Variants in CSTPP1 observed in about 807,000 individuals in gnomAD.
CSTPP1 encodes the protein UPF0705 protein C11orf49.
the CSTPP1 span, chr11:47,159,730 G>C: frequency 6.6e-6 from 3 of 456,142 alleles, no homozygotes; most frequent in Non-Finnish European, 1.3e-5. Flanking sequence ...CACTGGCTGG[G>C]TGTGGTGGCT....
the CSTPP1 span, among the ~76,000 whole-genome samples, chr11:47,151,597 C>CCG: frequency 6.0e-5 from 9 of 150,106 alleles, no homozygotes; most frequent in Non-Finnish European, 1.2e-4. Flanking sequence ...CAGAGGGTGG[C>CCG]GGGGGGAAGT....
At chr11:47,028,241 G>A in the CSTPP1 span, among the ~76,000 whole-genome samples, 1 of 152,098 alleles carries the variant, frequency 6.6e-6, no homozygotes, top group Non-Finnish European at 1.5e-5. Context: ...ATTTTCTATA[G>A]CATTTACAAT....
At chr11:47,073,659 A>G in the CSTPP1 span, among the ~76,000 whole-genome samples, 1 of 152,230 alleles carries the variant, frequency 6.6e-6, no homozygotes, top group Non-Finnish European at 1.5e-5. Flanking sequence ...AAGTGATAAT[A>G]ATAATGCTTT....
the CSTPP1 span, among the ~76,000 whole-genome samples, chr11:46,977,913 A>T: frequency 6.6e-6 from 1 of 152,230 alleles, no homozygotes; most frequent in African/African-American, 2.4e-5. Context: ...AAAAGGCAAC[A>T]GAAAGAGTAG....
the CSTPP1 span, chr11:47,103,852 A>G: frequency 2.7e-5 from 4 of 150,888 alleles, no homozygotes; most frequent in Non-Finnish European, 4.4e-5. Flanking sequence ...TTTTTTTTTT[A>G]ATTAATGGGG....
the CSTPP1 span, among the ~76,000 whole-genome samples, chr11:47,119,903 G>T: frequency 6.6e-6 from 1 of 152,122 alleles, no homozygotes; most frequent in South Asian, 2.1e-4. Context: ...GAGCCACCAT[G>T]CCCGGCCTTA....
chr11:46,936,720 C>T, the CSTPP1 span: 1 of 1,572,722 alleles, frequency 6.4e-7, no homozygotes. Flanking sequence ...CCTTCCGCCG[C>T]GTGGGTGCCA....
the CSTPP1 span, among the ~76,000 whole-genome samples, chr11:46,946,435 G>A: frequency 6.6e-6 from 1 of 152,218 alleles, no homozygotes; most frequent in South Asian, 2.1e-4. Context: ...AAGGCGGGTG[G>A]ATCACGAGGT....
the CSTPP1 span, among the ~76,000 whole-genome samples, chr11:47,076,348 C>A: frequency 5.9e-5 from 9 of 152,180 alleles, no homozygotes; most frequent in Admixed American, 3.9e-4. Context: ...ACAAATCTGA[C>A]ATTTAGGAGT....
the CSTPP1 span, among the ~76,000 whole-genome samples, chr11:47,139,407 C>T: frequency 6.6e-6 from 1 of 152,212 alleles, no homozygotes. Flanking sequence ...GGCGTGGTAG[C>T]TCATGCCTGT....
chr11:47,102,794 C>T, the CSTPP1 span, among the ~76,000 whole-genome samples: 2 of 152,100 alleles, frequency 1.3e-5, no homozygotes, highest in Non-Finnish European at 2.9e-5. Context: ...AAAACTTGAA[C>T]GAAATGAAAT....
chr11:47,150,477 A>G, the CSTPP1 span, among the ~76,000 whole-genome samples: 1 of 152,210 alleles, frequency 6.6e-6, no homozygotes, highest in Non-Finnish European at 1.5e-5. Context: ...GGTAGATCTT[A>G]TGTTCCCAGG....
chr11:47,141,385 A>AGCAGTTTGGGAGGCCAAGGCAGGCAGATC, the CSTPP1 span, among the ~76,000 whole-genome samples: 1 of 152,062 alleles, frequency 6.6e-6, no homozygotes, highest in Non-Finnish European at 1.5e-5. Flanking sequence ...CTGTAATCCC[A>AGCAGTTTGGGAGGCCAAGGCAGGCAGATC]ACACTTGGGG....
chr11:47,161,890 T>C, the CSTPP1 span: 1 of 1,283,192 alleles, frequency 7.8e-7, no homozygotes, highest in Non-Finnish European at 9.9e-7. Context: ...CAGACTGTGC[T>C]GAGGCCACCT....
the CSTPP1 span, among the ~76,000 whole-genome samples, chr11:47,000,519 A>G: frequency 6.6e-6 from 1 of 152,086 alleles, no homozygotes; most frequent in Non-Finnish European, 1.5e-5. Context: ...TTTTTAAAGG[A>G]TGATTTTAGT....
chr11:46,957,719 A>G, the CSTPP1 span, among the ~76,000 whole-genome samples: 2 of 152,220 alleles, frequency 1.3e-5, no homozygotes, highest in South Asian at 2.1e-4. Context: ...TCTCTGTTCT[A>G]TCTCTGGAAC....
chr11:46,937,440 C>G, the CSTPP1 span, among the ~76,000 whole-genome samples: 23 of 152,250 alleles, frequency 1.5e-4, no homozygotes, highest in Middle Eastern at 0.017. Context: ...ATTGACTTGG[C>G]TCTTGAGCTA....
the CSTPP1 span, among the ~76,000 whole-genome samples, chr11:46,958,111 C>T: frequency 1.3e-5 from 2 of 152,230 alleles, no homozygotes; most frequent in South Asian, 4.1e-4. Context: ...GATCTACTTC[C>T]ACTTAATGAA....
At chr11:46,999,811 T>C in the CSTPP1 span, among the ~76,000 whole-genome samples, 1 of 152,200 alleles carries the variant, frequency 6.6e-6, no homozygotes, top group African/African-American at 2.4e-5. Flanking sequence ...CTCCTTGAAA[T>C]TGTATTTGGA....
Sources: allele counts gnomAD v4.1 joint callset (sites outside exome capture counted in the v4.1 genomes callset), GRCh38; gene constraint gnomAD v4.1.1; transcripts MANE v1.5; gene names NCBI Gene and HGNC (gene_info 2026-07-23, HGNC 2026-07-21).